Variants in ABL2 observed in about 807,000 individuals in gnomAD.
ABL2 encodes tyrosine-protein kinase ABL2.
ABL2 carries 49 observed loss-of-function variants against 107.7 expected under a neutral mutation model. That is an observed-to-expected ratio of 0.45 (90% CI 0.36 to 0.58). The LOEUF (loss-of-function observed/expected upper bound fraction) is 0.58, where lower values mean the gene tolerates loss of function less well. Among genes scored for constraint, ABL2 ranks in the 20% least tolerant of loss-of-function variants. The pLI is 0.00. For missense variants in ABL2, 1,245 were observed against 1,457.0 expected (o/e 0.85, Z 2.37); for synonymous variants, 549 against 548.6 (o/e 1.00, Z -0.01).
Position 179,196,056 on chromosome 1 carries a change from G to A in ABL2, c.157+33185C>T, listed in dbSNP as rs575307224. ...TGTAATCCTAGCACTTTGGCAGGCCGAGGTGGACGGATCACTTGAGGCCAG... is the reference window on the plus strand; with the variant it reads ...TGTAATCCTAGCACTTTGGCAGGCCAAGGTGGACGGATCACTTGAGGCCAG... On this transcript the variant is annotated intron_variant, in intron 1 of 11. Coordinates refer to ENST00000502732, the MANE Select transcript of ABL2 (RefSeq NM_007314.4). Among the ~76,000 whole-genome samples the A allele has an allele frequency of 3.3e-5, 5 of 152,170 alleles. No individual in the cohort carries two copies. In the South Asian group the frequency reaches 6.2e-4, roughly 19 times the overall value.
At chr1:179,120,804 C>T (rs573184119) in intron 5 of ABL2, among the ~76,000 whole-genome samples, 1 of 152,288 alleles carries the variant, frequency 6.6e-6, no homozygotes, top group Non-Finnish European at 1.5e-5. Flanking sequence ...ATTCAGCAAT[C>T]GTGTCCTATA....
intron 1 of ABL2, among the ~76,000 whole-genome samples, chr1:179,169,801 T>C (rs1243111103): frequency 6.6e-6 from 1 of 152,032 alleles, no homozygotes; most frequent in Non-Finnish European, 1.5e-5. Flanking sequence ...CCCAATACTT[T>C]GGGAGGCTGA....
intron 1 of ABL2, among the ~76,000 whole-genome samples, chr1:179,144,676 T>C (rs1341597914): frequency 7.4e-6 from 1 of 135,294 alleles, no homozygotes; most frequent in Non-Finnish European, 1.7e-5. Flanking sequence ...ATAACTTTAA[T>C]GTAGGTAATT....
chr1:179,172,167 T>C (rs901483189), intron 1 of ABL2, among the ~76,000 whole-genome samples: 53 of 152,304 alleles, frequency 3.5e-4, no homozygotes, highest in African/African-American at 1.2e-3. Flanking sequence ...GAATTAAAAG[T>C]TGGTATATGC....
At chr1:179,131,737 A>T (rs772926163) in intron 2 of ABL2, among the ~76,000 whole-genome samples, 14 of 152,220 alleles carry the variant, frequency 9.2e-5, no homozygotes, top group Non-Finnish European at 2.1e-4. Context: ...ATTTATATGC[A>T]CTCACCAAAA....
chr1:179,226,605 C>T (rs1571356926), intron 1 of ABL2, among the ~76,000 whole-genome samples: 1 of 152,224 alleles, frequency 6.6e-6, no homozygotes, highest in East Asian at 1.9e-4. Context: ...CCGCACCTGG[C>T]CGAATTACTC....
intron 1 of ABL2, chr1:179,184,230 T>C: frequency 2.0e-6 from 1 of 512,122 alleles, no homozygotes; most frequent in Non-Finnish European, 3.6e-6. Context: ...AGATACTAAG[T>C]CAGGTTACAG....
intron 1 of ABL2, among the ~76,000 whole-genome samples, chr1:179,159,700 C>G (rs755593583): frequency 8.5e-5 from 13 of 152,060 alleles, no homozygotes; most frequent in Non-Finnish European, 1.9e-4. Context: ...CTCTCAAATA[C>G]GGGTTTAAAT....
chr1:179,122,256 T>C (rs1655285000), intron 4 of ABL2, among the ~76,000 whole-genome samples: 1 of 134,564 alleles, frequency 7.4e-6, no homozygotes, highest in Middle Eastern at 4.4e-3. Flanking sequence ...GGCCTGAAGA[T>C]ATAGATAGAA....
chr1:179,229,435 TG>T lies in ABL2; in HGVS notation c.-39del. The T allele has an allele frequency of 6.8e-7, 1 of 1,465,316 alleles. No individual in the cohort carries two copies. Among genetic ancestry groups the T allele is most frequent in the Non-Finnish European group, 8.9e-7 (1 of 1,120,200 alleles). The allele number at this position is 1,465,316 out of a possible 1,614,324, so 90.8% of individuals were successfully genotyped here. On this transcript the variant is annotated 5_prime_UTR_variant, in exon 1 of 12. Transcript: ENST00000502732. Reference sequence around the variant, plus strand: ...GTACTCCCGCGCCCCCGCCGACCCCTGGTCACATTCCTCCTCGGCTCCGGCC... The same window carrying T: ...GTACTCCCGCGCCCCCGCCGACCCCTGTCACATTCCTCCTCGGCTCCGGCC...
chr1:179,124,379 CAGA>C (rs1169471379), intron 4 of ABL2, among the ~76,000 whole-genome samples: 5 of 151,870 alleles, frequency 3.3e-5, no homozygotes, highest in Non-Finnish European at 7.4e-5. Context: ...ATCAGCACCC[CAGA>C]AGCCTCCCTT....
At chr1:179,130,065 G>A (rs1656139906) in intron 3 of ABL2, among the ~76,000 whole-genome samples, 1 of 152,136 alleles carries the variant, frequency 6.6e-6, no homozygotes, top group African/African-American at 2.4e-5. Flanking sequence ...TCAGCCTCCT[G>A]AGTAGCTAGG....
At position 179,229,167 on chromosome 1, in the gene ABL2, T is replaced by TGCCCCCCCCCCCCCCCCCCCCCCCCCC; in HGVS notation, c.157+73_157+74insGGGGGGGGGGGGGGGGGGGGGGGGGGC. 2.2e-5 allele frequency: 9 copies of TGCCCCCCCCCCCCCCCCCCCCCCCCCC among 402,568 alleles called. 1 individual carries two copies. The highest frequency in any genetic ancestry group is 4.4e-5 in the Admixed American group (1 of 22,502). 24.9% of individuals were successfully genotyped at this position (402,568 alleles called of 1,614,324 possible). ...ACCCTCCGACCCCTCGGGCAGCCCG[T>TGCCCCCCCCCCCCCCCCCCCCCCCCCC]CCGCCACCCACCCCGCCCCGACCCC... is the stretch of plus-strand genomic sequence containing the variant. On this transcript the variant is annotated intron_variant, in intron 1 of 11. Coordinates refer to ENST00000502732, the MANE Select transcript of ABL2 (RefSeq NM_007314.4).
chr1:179,142,007 T>C (rs1657636207), intron 1 of ABL2, among the ~76,000 whole-genome samples: 1 of 152,248 alleles, frequency 6.6e-6, no homozygotes, highest in Non-Finnish European at 1.5e-5. Flanking sequence ...ATAGTCTATG[T>C]CACTTTCCTC....
Position 179,136,741 on chromosome 1 carries a change from TAA to T in ABL2, c.158-3369_158-3368del, listed in dbSNP as rs529807975. Among the ~76,000 whole-genome samples the T allele has an allele frequency of 4.7e-3, 581 of 124,284 alleles. 1 individual carries two copies. The highest frequency in any genetic ancestry group is 0.017 in the African/African-American group (527 of 31,874). 81.5% of individuals were successfully genotyped at this position (124,284 alleles called of 152,430 possible). A position where few individuals can be genotyped will look rare whatever the true frequency, so the allele number is the denominator to read the frequency against. ...ATAAATAAATAAATAAATAAATAAA[TAA>T]AAATAAAAATAAAAATACAAAAATT... On this transcript the variant is annotated intron_variant, in intron 1 of 11. Coordinates refer to ENST00000502732, the MANE Select transcript of ABL2 (RefSeq NM_007314.4).
intron 1 of ABL2, among the ~76,000 whole-genome samples, chr1:179,176,449 C>T (rs1660049243): frequency 6.6e-6 from 1 of 151,988 alleles, no homozygotes; most frequent in Non-Finnish European, 1.5e-5. Flanking sequence ...ATTAAAATAT[C>T]CTATATACCC....
At chr1:179,190,324 C>T (rs984293284) in intron 1 of ABL2, among the ~76,000 whole-genome samples, 5 of 152,084 alleles carry the variant, frequency 3.3e-5, no homozygotes, top group South Asian at 4.1e-4. Context: ...AAACACTTTA[C>T]ATACGTTTAC....
At chr1:179,168,384 A>G (rs1157194582) in intron 1 of ABL2, among the ~76,000 whole-genome samples, 6 of 149,374 alleles carry the variant, frequency 4.0e-5, no homozygotes, top group African/African-American at 1.5e-4. Flanking sequence ...TGTATTTGTT[A>G]TTTTTTTTTT....
chr1:179,147,235 GA>G (rs1301266746), intron 1 of ABL2, among the ~76,000 whole-genome samples: 1 of 129,230 alleles, frequency 7.7e-6, no homozygotes, highest in Admixed American at 8.3e-5. Context: ...AGGATGCAGA[GA>G]AAAGGGAACA....
Sources: allele counts gnomAD v4.1 joint callset (sites outside exome capture counted in the v4.1 genomes callset), GRCh38; gene constraint gnomAD v4.1.1; transcripts MANE v1.5; gene names NCBI Gene and HGNC (gene_info 2026-07-23, HGNC 2026-07-21).